WWC1: variants seen among roughly 807,000 people sequenced by gnomAD.
The protein encoded by WWC1 is WW and C2 domain containing 1.
Under a neutral mutation model 138.4 loss-of-function variants are expected in WWC1, and 55 were observed. That is an observed-to-expected ratio of 0.40 (90% CI 0.32 to 0.50). WWC1 has a LOEUF of 0.50. Among genes scored for constraint, WWC1 ranks in the 20% least tolerant of loss-of-function variants. The pLI, the probability that WWC1 is intolerant of heterozygous loss-of-function variation, is 0.72. For synonymous variants in WWC1, 524 were observed against 564.9 expected (o/e 0.93, Z 1.03); for missense variants, 1,226 against 1,420.4 (o/e 0.86, Z 2.20).
rs756577569 is a variant in WWC1, at chr5:168,423,587, G to A, written c.1329G>A (p.Thr443=). 2.9e-5 allele frequency: 46 copies of A among 1,613,924 alleles called. No individual in the cohort carries two copies. In the South Asian group the frequency reaches 3.0e-4, roughly 10 times the overall value. ...CAGGCAGCAGCCCCGGATCCCTCAC[G>A]TCCAGCCGGGGCTCCCTGGTTGCAT... ...LSSGSSPGSL[T]SSRGSLVASS... Residue 443 remains threonine (T), a synonymous_variant, in exon 11 of 23, where the codon ACG becomes ACA. Transcript: ENST00000265293.
At position 168,414,472 on chromosome 5, in the gene WWC1, T is replaced by G; in HGVS notation, c.1066T>G (p.Phe356Val). 6.4e-7 allele frequency: 1 copy of G among 1,567,774 alleles called. No homozygotes were observed. Among genetic ancestry groups the G allele is most frequent in the Non-Finnish European group, 8.7e-7 (1 of 1,155,542 alleles). The change falls in exon 9 of 23, where the codon TTC (phenylalanine) becomes GTC (valine). Residue 356 changes from phenylalanine (F) to valine (V), a missense_variant. By Grantham distance (50) the Phe-to-Val change is conservative. This residue lies in a region of WWC1 where 1,016 missense variants were observed against 1,153.9 expected (regional missense o/e 0.88). Transcript: ENST00000265293. ...EKEELLKEMR[F>V]ISPRKWTQGE... Reference sequence around the variant, plus strand: ...GGAGGAGCTGCTGAAGGAGATGCGCTTCATCAGCCCCCGCAAGTGGACCCA... The same window carrying G: ...GGAGGAGCTGCTGAAGGAGATGCGCGTCATCAGCCCCCGCAAGTGGACCCA...
At chr5:168,337,540 A>C (rs920527049) in intron 1 of WWC1, among the ~76,000 whole-genome samples, 1 of 152,174 alleles carries the variant, frequency 6.6e-6, no homozygotes, top group African/African-American at 2.4e-5. Context: ...AAATGTCAAC[A>C]GGTCTCACAG....
chr5:168,340,568 TA>T (rs1773959273), intron 1 of WWC1, among the ~76,000 whole-genome samples: 1 of 152,096 alleles, frequency 6.6e-6, no homozygotes, highest in Non-Finnish European at 1.5e-5. Context: ...ACATTTCATA[TA>T]AACAGAGTCA....
At chr5:168,302,504 C>A (rs1166414299) in intron 1 of WWC1, among the ~76,000 whole-genome samples, 1 of 152,070 alleles carries the variant, frequency 6.6e-6, no homozygotes, top group South Asian at 2.1e-4. Flanking sequence ...TGACACCTGT[C>A]GACAGTGGTG....
At chr5:168,338,521 C>T (rs556565309) in intron 1 of WWC1, among the ~76,000 whole-genome samples, 46 of 151,334 alleles carry the variant, frequency 3.0e-4, no homozygotes, top group Non-Finnish European at 4.6e-4. Context: ...AAGCGGTTCT[C>T]CTGCCTCAGC....
At chr5:168,395,385 A>G (rs1288625996) in intron 3 of WWC1, among the ~76,000 whole-genome samples, 3 of 151,906 alleles carry the variant, frequency 2.0e-5, no homozygotes. Flanking sequence ...CTCTTCTTTC[A>G]CCTTGTATTA....
chr5:168,429,256 ATT>A (rs67280988), intron 13 of WWC1, among the ~76,000 whole-genome samples: 1,804 of 116,384 alleles, frequency 0.016, 39 homozygotes, highest in African/African-American at 0.06. Context: ...TATGATCTCA[ATT>A]TTTTTTTTTT....
intron 1 of WWC1, among the ~76,000 whole-genome samples, chr5:168,359,430 T>G (rs2152798756): frequency 6.6e-6 from 1 of 152,344 alleles, no homozygotes; most frequent in East Asian, 1.9e-4. Flanking sequence ...AGTTTATTCC[T>G]TTTTATTGCT....
At chr5:168,423,141 TC>T (rs529490636) in intron 10 of WWC1, among the ~76,000 whole-genome samples, 11 of 68,600 alleles carry the variant, frequency 1.6e-4, no homozygotes, top group South Asian at 1.2e-3. Flanking sequence ...CAAGACTCCA[TC>T]CCCCCCCAAA....
intron 17 of WWC1, among the ~76,000 whole-genome samples, chr5:168,448,576 T>C (rs1266274311): frequency 6.6e-6 from 1 of 152,084 alleles, no homozygotes; most frequent in Non-Finnish European, 1.5e-5. Context: ...TGTGTGTTTT[T>C]TATATTTTAA....
chr5:168,411,603 T>A (rs1780238725), intron 8 of WWC1: 1 of 152,166 alleles, frequency 6.6e-6, no homozygotes, highest in South Asian at 2.1e-4. Context: ...CCTGCTTGCC[T>A]TTATGTTGGC....
intron 1 of WWC1, among the ~76,000 whole-genome samples, chr5:168,328,992 A>G (rs1359769722): frequency 1.3e-5 from 2 of 152,226 alleles, no homozygotes; most frequent in Non-Finnish European, 2.9e-5. Context: ...TAAAGCAGAA[A>G]AGCCTCATTG....
At chr5:168,388,566 A>G (rs2152821786) in intron 3 of WWC1, among the ~76,000 whole-genome samples, 1 of 152,308 alleles carries the variant, frequency 6.6e-6, no homozygotes, top group Middle Eastern at 3.4e-3. Flanking sequence ...ACAGTGGCTC[A>G]CACCTGTAAT....
intron 1 of WWC1, among the ~76,000 whole-genome samples, chr5:168,347,671 A>G (rs1407841441): frequency 6.6e-6 from 1 of 152,186 alleles, no homozygotes; most frequent in Non-Finnish European, 1.5e-5. Flanking sequence ...AAGAAGGTGA[A>G]GAGCAATCTA....
intron 1 of WWC1, among the ~76,000 whole-genome samples, chr5:168,371,032 G>A (rs909773476): frequency 2.0e-5 from 3 of 152,228 alleles, no homozygotes; most frequent in African/African-American, 7.2e-5. Flanking sequence ...GGCTGAGTGC[G>A]TTGCAGGTGA....
intron 15 of WWC1, among the ~76,000 whole-genome samples, chr5:168,433,547 G>GT (rs75334138): frequency 0.034 from 5,122 of 152,056 alleles, 165 homozygotes; most frequent in African/African-American, 0.067. Flanking sequence ...TGCATTATCT[G>GT]TTTTTTTTAT....
At chr5:168,388,590 G>T (rs1040528995) in intron 3 of WWC1, among the ~76,000 whole-genome samples, 1 of 152,176 alleles carries the variant, frequency 6.6e-6, no homozygotes, top group African/African-American at 2.4e-5. Flanking sequence ...AGCAATTTGG[G>T]AGGCCGAGGT....
rs761151930 is a variant in WWC1, at chr5:168,431,211, T to G, written c.2088-41T>G. 1.9e-6 allele frequency: 3 copies of G among 1,561,794 alleles called. No homozygotes were observed. In the South Asian group the frequency reaches 3.6e-5, roughly 19 times the overall value. On this transcript the variant is annotated intron_variant, in intron 14 of 22. Coordinates refer to ENST00000265293, the MANE Select transcript of WWC1 (RefSeq NM_015238.3). Reference sequence around the variant, plus strand: ...TAGTCCAACATTTTAGCCCCAGACATGGGCTGACCCAAGATTTCCTGCGGT... The same window carrying G: ...TAGTCCAACATTTTAGCCCCAGACAGGGGCTGACCCAAGATTTCCTGCGGT...
At chr5:168,414,696 C>A in intron 9 of WWC1, 106 bp downstream of exon 9, 1 of 1,413,336 alleles carries the variant, frequency 7.1e-7, no homozygotes, top group South Asian at 1.5e-5. Flanking sequence ...CTGGGCTCCA[C>A]CCTGAGCACG....
Sources: gnomAD v4.1 joint callset for allele counts (sites outside exome capture counted in the v4.1 genomes callset) on GRCh38, gnomAD v4.1.1 for gene constraint, gnomAD v4.1.1 regional missense constraint, MANE v1.5 for transcripts, NCBI Gene and HGNC (gene_info 2026-07-23, HGNC 2026-07-21) for gene names.